The following DARS1 variants were observed in gnomAD, a reference collection of about 807,000 sequenced individuals.
The protein encoded by DARS1 is aspartate--tRNA ligase, cytoplasmic.
In DARS1, 51 loss-of-function variants were observed where a neutral mutation model predicts 68.8. The ratio of observed to expected loss-of-function variants is 0.74; its 90% CI spans 0.59 to 0.94. The LOEUF is 0.94. DARS1 is among the 40% of genes least tolerant of loss of function. The pLI is 0.00. For missense variants in DARS1, 607 were observed against 597.3 expected, an observed-to-expected ratio of 1.02 and a Z score of -0.17; for synonymous variants, 203 against 190.4, an observed-to-expected ratio of 1.07 and a Z score of -0.55.
chr2:135,930,444 T>C (rs2104808202), intron 7 of DARS1, among the ~76,000 whole-genome samples: 1 of 152,274 alleles, frequency 6.6e-6, no homozygotes, highest in African/African-American at 2.4e-5. Context: ...AAAGAGCTGA[T>C]GATTCACCTT....
intron 3 of DARS1, among the ~76,000 whole-genome samples, chr2:135,977,309 C>T (rs532362496): frequency 8.3e-4 from 127 of 152,292 alleles, no homozygotes; most frequent in African/African-American, 2.8e-3. Flanking sequence ...ATTGTAAGCA[C>T]AAATCCAGGA....
At chr2:135,929,650 G>T (rs1469433895) in intron 7 of DARS1, among the ~76,000 whole-genome samples, 1 of 152,220 alleles carries the variant, frequency 6.6e-6, no homozygotes. Flanking sequence ...AAACTATATT[G>T]CCAGGATAAT....
intron 2 of DARS1, among the ~76,000 whole-genome samples, chr2:135,982,901 G>C (rs1231261223): frequency 6.6e-6 from 1 of 152,146 alleles, no homozygotes; most frequent in Non-Finnish European, 1.5e-5. Flanking sequence ...TGGTTCCTTA[G>C]TTTTCAAGGA....
At chr2:135,914,375 C>A in intron 12 of DARS1, 94 bp downstream of exon 12, 1 of 741,148 alleles carries the variant, frequency 1.3e-6, no homozygotes, top group Non-Finnish European at 2.4e-6. Context: ...AGAATCATAC[C>A]ATTCTAGGAA....
At chr2:135,975,371 A>G (rs1330124604) in intron 3 of DARS1, among the ~76,000 whole-genome samples, 1 of 151,984 alleles carries the variant, frequency 6.6e-6, no homozygotes. Context: ...AAAAAAACCT[A>G]TACGCACAGA....
intron 4 of DARS1, among the ~76,000 whole-genome samples, chr2:135,960,657 C>A (rs1373351210): frequency 6.6e-6 from 1 of 152,130 alleles, no homozygotes; most frequent in Admixed American, 6.5e-5. Flanking sequence ...TTTCTGAGAT[C>A]ATTATCATGG....
chr2:135,935,735 T>C lies in DARS1; in HGVS notation c.424-1745A>G, dbSNP rs1006620505. ...TGCTTTTTGTTTTTCTGGCTACCTT[T>C]AAAAACCATTTTATCATATTAGTTA... On this transcript the variant is annotated intron_variant, in intron 5 of 15. Transcript: ENST00000264161. Among the ~76,000 whole-genome samples, 63 of 152,238 alleles carry C rather than the reference T, an allele frequency of 4.1e-4. 1 individual carries two copies. Among genetic ancestry groups the C allele is most frequent in the Non-Finnish European group, 1.6e-4 (11 of 68,038 alleles).
intron 4 of DARS1, among the ~76,000 whole-genome samples, chr2:135,947,904 T>C (rs1681762331): frequency 6.6e-6 from 1 of 152,034 alleles, no homozygotes; most frequent in Non-Finnish European, 1.5e-5. Flanking sequence ...CCAGGAATCA[T>C]ACTACCTTCC....
chr2:135,937,911 G>T, intron 5 of DARS1, among the ~76,000 whole-genome samples: 1 of 152,152 alleles, frequency 6.6e-6, no homozygotes. Flanking sequence ...TTTCTCTCTG[G>T]CTGCCCTTAA....
intron 4 of DARS1, among the ~76,000 whole-genome samples, chr2:135,960,225 C>G (rs1409357366): frequency 1.3e-5 from 2 of 152,118 alleles, no homozygotes; most frequent in Non-Finnish European, 2.9e-5. Context: ...GGTGGGGCTA[C>G]TGTATTAGTA....
At chr2:135,932,867 A>C in intron 6 of DARS1, 25 bp from the exon 7 acceptor site, 1 of 1,085,656 alleles carries the variant, frequency 9.2e-7, no homozygotes, top group Non-Finnish European at 1.4e-6. Context: ...AAAGAAAAGA[A>C]AAAAATAAAT....
chr2:135,982,783 A>G (rs1682666681), intron 2 of DARS1, among the ~76,000 whole-genome samples: 1 of 152,110 alleles, frequency 6.6e-6, no homozygotes, highest in Non-Finnish European at 1.5e-5. Flanking sequence ...AAGAAGCCAG[A>G]GAAGATGTAA....
intron 2 of DARS1, among the ~76,000 whole-genome samples, chr2:135,981,543 T>TTCCAAAG (rs1682632446): frequency 6.6e-6 from 1 of 152,174 alleles, no homozygotes; most frequent in African/African-American, 2.4e-5. Context: ...AATGCAAATA[T>TTCCAAAG]TCCAAAGTCC....
chr2:135,911,452 T>C lies in DARS1; in HGVS notation c.1272A>G (p.Glu424=). 1 of 1,089,446 alleles carries C rather than the reference T, an allele frequency of 9.2e-7. No homozygotes were observed. The highest frequency in any genetic ancestry group is 1.4e-6 in the Non-Finnish European group (1 of 700,004). The allele number at this position is 1,089,446 out of a possible 1,614,324, so 67.5% of individuals were successfully genotyped here. ...NSYDMFMRGE[E]ILSGAQRIHD... ...GTATTCTTTGAGCTCCTGACAATATTTCTTCTCCTCTCATGAACATATCGT... is the reference window on the plus strand; with the variant it reads ...GTATTCTTTGAGCTCCTGACAATATCTCTTCTCCTCTCATGAACATATCGT... The change falls in exon 14 of 16, where the codon GAA becomes GAG. Residue 424 remains glutamate, a synonymous_variant. Transcript: ENST00000264161.
intron 1 of DARS1, 179 bp downstream of exon 1, chr2:135,985,224 C>A (rs1379783508): frequency 2.0e-6 from 2 of 1,004,530 alleles, no homozygotes; most frequent in Non-Finnish European, 2.8e-6. Context: ...GAAACGCGGT[C>A]CGGAGAGGGT....
rs373926628 is a variant in DARS1, at chr2:135,932,744, C to T, written c.564+39G>A. The T allele has an allele frequency of 4.6e-5, 42 of 911,624 alleles. No individual in the cohort carries two copies. In the Admixed American group the frequency reaches 5.5e-4, roughly 12 times the overall value. 56.5% of individuals were successfully genotyped at this position (911,624 alleles called of 1,614,324 possible). A position where few individuals can be genotyped will look rare whatever the true frequency, so the allele number is the denominator to read the frequency against. On this transcript the variant is annotated intron_variant, in intron 7 of 15. Coordinates refer to ENST00000264161, the MANE Select transcript of DARS1 (RefSeq NM_001349.4). ...ATGGTATCCCTGCCCCTCTCTAATGCGGCATAATTGCTTCACTTAATAAAT... is the reference window on the plus strand; with the variant it reads ...ATGGTATCCCTGCCCCTCTCTAATGTGGCATAATTGCTTCACTTAATAAAT...
At chr2:135,927,263 A>G (rs1433755250) in intron 7 of DARS1, among the ~76,000 whole-genome samples, 1 of 152,186 alleles carries the variant, frequency 6.6e-6, no homozygotes, top group Non-Finnish European at 1.5e-5. Context: ...TAATAGGGTA[A>G]TTATATATTA....
intron 5 of DARS1, among the ~76,000 whole-genome samples, chr2:135,941,491 C>A (rs1681595524): frequency 6.6e-6 from 1 of 151,892 alleles, no homozygotes; most frequent in Admixed American, 6.6e-5. Context: ...TTCCTTACAC[C>A]TTATACAAGA....
At chr2:135,976,999 C>T (rs78274583) in intron 3 of DARS1, among the ~76,000 whole-genome samples, 24,475 of 151,924 alleles carry the variant, frequency 0.16, 2,275 homozygotes, top group Middle Eastern at 0.39. Flanking sequence ...ATCTATTATT[C>T]GGTAGGGTTC....
Sources: gnomAD v4.1 joint callset for allele counts (sites outside exome capture counted in the v4.1 genomes callset) on GRCh38, gnomAD v4.1.1 for gene constraint, MANE v1.5 for transcripts, NCBI Gene and HGNC (gene_info 2026-07-23, HGNC 2026-07-21) for gene names.